The following SPMIP2 variants were observed in gnomAD, a reference collection of about 807,000 sequenced individuals.
The protein encoded by SPMIP2 is sperm microtubule inner protein 2, also known as protein SPMIP2.
At chr4:158,925,739 T>C in the SPMIP2 span, among the ~76,000 whole-genome samples, 2 of 152,226 alleles carry the variant, frequency 1.3e-5, no homozygotes, top group Non-Finnish European at 2.9e-5. Flanking sequence ...GCTCAGTTCC[T>C]AACGGGTTAC....
At chr4:159,076,363 A>C in the SPMIP2 span, among the ~76,000 whole-genome samples, 2 of 152,208 alleles carry the variant, frequency 1.3e-5, no homozygotes, top group African/African-American at 4.8e-5. Context: ...AATTAATTTC[A>C]TGGTTACTTC....
chr4:158,995,221 T>C, the SPMIP2 span, among the ~76,000 whole-genome samples: 1 of 152,164 alleles, frequency 6.6e-6, no homozygotes. Flanking sequence ...CTGGACTTTG[T>C]TATTATTCTT....
the SPMIP2 span, among the ~76,000 whole-genome samples, chr4:158,928,630 T>C: frequency 1.3e-5 from 2 of 152,136 alleles, no homozygotes; most frequent in South Asian, 2.1e-4. Flanking sequence ...AGAAAATAAA[T>C]GCAGGCTGCC....
At chr4:158,987,435 T>C in the SPMIP2 span, among the ~76,000 whole-genome samples, 8 of 151,986 alleles carry the variant, frequency 5.3e-5, no homozygotes, top group East Asian at 9.7e-4. Context: ...ATATACACCA[T>C]GGAATACTAT....
At chr4:159,066,548 T>C in the SPMIP2 span, among the ~76,000 whole-genome samples, 2 of 150,512 alleles carry the variant, frequency 1.3e-5, no homozygotes, top group Non-Finnish European at 1.5e-5. Context: ...ATGTATTACA[T>C]ATATCCTATA....
At chr4:158,922,340 C>G in the SPMIP2 span, among the ~76,000 whole-genome samples, 1 of 152,178 alleles carries the variant, frequency 6.6e-6, no homozygotes, top group Admixed American at 6.5e-5. Flanking sequence ...CCTTCTCACT[C>G]TGCTCTGGAC....
At chr4:159,075,636 G>A in the SPMIP2 span, among the ~76,000 whole-genome samples, 1 of 152,098 alleles carries the variant, frequency 6.6e-6, no homozygotes, top group South Asian at 2.1e-4. Flanking sequence ...CAGCGTGTAG[G>A]ACAAAGCAAT....
chr4:159,065,063 T>G, the SPMIP2 span, among the ~76,000 whole-genome samples: 7 of 152,224 alleles, frequency 4.6e-5, no homozygotes, highest in Admixed American at 6.5e-5. Flanking sequence ...AGGGGACCTT[T>G]TAGAGAATTT....
At chr4:158,972,442 A>G in the SPMIP2 span, among the ~76,000 whole-genome samples, 1 of 152,216 alleles carries the variant, frequency 6.6e-6, no homozygotes, top group Non-Finnish European at 1.5e-5. Context: ...CAGTTATTGC[A>G]TGATTGATAC....
At chr4:158,896,736 G>T in the SPMIP2 span, among the ~76,000 whole-genome samples, 1 of 147,838 alleles carries the variant, frequency 6.8e-6, no homozygotes, top group Non-Finnish European at 1.5e-5. Context: ...CCCTTATGAG[G>T]TGTTTGCTTT....
At chr4:158,907,227 A>T in the SPMIP2 span, 2 of 152,368 alleles carry the variant, frequency 1.3e-5, no homozygotes, top group East Asian at 3.9e-4. Flanking sequence ...TTTAAAATGT[A>T]GCTTCCATAC....
the SPMIP2 span, among the ~76,000 whole-genome samples, chr4:159,006,086 C>T: frequency 2.6e-5 from 4 of 152,160 alleles, no homozygotes; most frequent in Non-Finnish European, 4.4e-5. Flanking sequence ...TTTAATGTGG[C>T]TGCCAGAAAA....
the SPMIP2 span, among the ~76,000 whole-genome samples, chr4:158,997,643 G>A: frequency 1.3e-5 from 2 of 152,082 alleles, no homozygotes; most frequent in African/African-American, 4.8e-5. Flanking sequence ...CCATATTCAA[G>A]CTCTTTAGTT....
chr4:159,044,816 G>C, the SPMIP2 span, among the ~76,000 whole-genome samples: 4 of 152,238 alleles, frequency 2.6e-5, no homozygotes, highest in Non-Finnish European at 5.9e-5. Context: ...AGCTGGCTGG[G>C]CACGATGGCT....
At chr4:159,018,684 T>C in the SPMIP2 span, among the ~76,000 whole-genome samples, 1 of 152,218 alleles carries the variant, frequency 6.6e-6, no homozygotes, top group Non-Finnish European at 1.5e-5. Context: ...TGGCAAAATT[T>C]GAGGTCATCT....
chr4:158,936,388 T>G, the SPMIP2 span, among the ~76,000 whole-genome samples: 2 of 152,314 alleles, frequency 1.3e-5, no homozygotes, highest in East Asian at 3.9e-4. Flanking sequence ...CAGAACGTGA[T>G]GTAACTCTGT....
the SPMIP2 span, among the ~76,000 whole-genome samples, chr4:158,927,916 G>A: frequency 3.7e-4 from 56 of 152,342 alleles, no homozygotes; most frequent in African/African-American, 4.6e-4. Context: ...TCGATTTCTC[G>A]GCGGGCCTTA....
the SPMIP2 span, among the ~76,000 whole-genome samples, chr4:158,921,708 T>C: frequency 6.6e-6 from 1 of 152,216 alleles, no homozygotes; most frequent in Non-Finnish European, 1.5e-5. Flanking sequence ...AAAACATTAA[T>C]ACAGAACTCT....
the SPMIP2 span, among the ~76,000 whole-genome samples, chr4:158,911,347 C>CAAATAAATAAAT: frequency 0.23 from 32,457 of 141,074 alleles, 3,843 homozygotes; most frequent in Non-Finnish European, 0.25. Context: ...GACTCCGTCT[C>CAAATAAATAAAT]AAATAAATAA....
Sources: allele counts gnomAD v4.1 joint callset (sites outside exome capture counted in the v4.1 genomes callset), GRCh38; gene constraint gnomAD v4.1.1; transcripts MANE v1.5; gene names NCBI Gene and HGNC (gene_info 2026-07-23, HGNC 2026-07-21).